Variants in TCF7L1 observed in about 807,000 individuals in gnomAD.
TCF7L1 encodes the protein transcription factor 7 like 1.
Under a neutral mutation model 63.7 loss-of-function variants are expected in TCF7L1, and 18 were observed. That is an observed-to-expected ratio of 0.28 (90% CI 0.20 to 0.42). The LOEUF (loss-of-function observed/expected upper bound fraction) is 0.42, where lower values mean the gene tolerates loss of function less well. Ranked by LOEUF, TCF7L1 falls within the 10% of genes least tolerant of loss-of-function variation. The pLI is 1.00. For missense variants in TCF7L1, 654 were observed against 779.3 expected (o/e 0.84, Z 1.91); for synonymous variants, 355 against 340.9 (o/e 1.04, Z -0.46).
At chr2:85,184,945 G>A (rs988453517) in intron 3 of TCF7L1, among the ~76,000 whole-genome samples, 1 of 152,182 alleles carries the variant, frequency 6.6e-6, no homozygotes, top group Admixed American at 6.5e-5. Context: ...GTTTCTGACT[G>A]AAACAAGCTC....
chr2:85,297,326 C>A (rs1477495723), intron 4 of TCF7L1, among the ~76,000 whole-genome samples: 5 of 152,156 alleles, frequency 3.3e-5, no homozygotes, highest in African/African-American at 1.2e-4. Flanking sequence ...TTTTTCGTAG[C>A]CTGCAGCACA....
At chr2:85,227,109 C>G (rs1166482485) in intron 3 of TCF7L1, among the ~76,000 whole-genome samples, 2 of 152,292 alleles carry the variant, frequency 1.3e-5, no homozygotes, top group African/African-American at 2.4e-5. Context: ...TGAGTTGGTG[C>G]TTAACAAATG....
At chr2:85,200,677 G>T (rs113376786) in intron 3 of TCF7L1, among the ~76,000 whole-genome samples, 1,915 of 152,146 alleles carry the variant, frequency 0.013, 45 homozygotes, top group African/African-American at 0.043. Context: ...TGGGGCTCAT[G>T]GTATTATTCA....
intron 3 of TCF7L1, among the ~76,000 whole-genome samples, chr2:85,154,042 C>T (rs894508206): frequency 2.6e-5 from 4 of 152,060 alleles, no homozygotes; most frequent in African/African-American, 9.7e-5. Context: ...CTCAATTCGT[C>T]CCAGAATTGA....
chr2:85,253,580 C>A (rs1025507537), intron 3 of TCF7L1, among the ~76,000 whole-genome samples: 1 of 152,118 alleles, frequency 6.6e-6, no homozygotes, highest in Non-Finnish European at 1.5e-5. Context: ...CCTGGTCCAC[C>A]AGAGCAACAA....
intron 3 of TCF7L1, among the ~76,000 whole-genome samples, chr2:85,150,488 T>A (rs2104204120): frequency 6.6e-6 from 1 of 152,216 alleles, no homozygotes; most frequent in Admixed American, 6.5e-5. Flanking sequence ...CGCCTTGGCC[T>A]CCCAAAGTGC....
intron 3 of TCF7L1, among the ~76,000 whole-genome samples, chr2:85,183,994 C>T (rs537062167): frequency 6.6e-5 from 10 of 152,142 alleles, no homozygotes; most frequent in Non-Finnish European, 1.3e-4. Context: ...AAAGTTGGGT[C>T]GTGGTTGTGG....
Position 85,169,284 on chromosome 2 carries a change from C to G in TCF7L1, c.441+34834C>G, listed in dbSNP as rs11126981. 7.3e-3 allele frequency among the ~76,000 whole-genome samples: 1,108 copies of G among 151,828 alleles called. 17 individuals are homozygous for G. The highest frequency in any genetic ancestry group is 0.037 in the South Asian group (176 of 4,772). On this transcript the variant is annotated intron_variant, in intron 3 of 11. Transcript: ENST00000282111. ...TTCTACCTCCTTCCAGACTCTACCC[C>G]CTAGCATGCTGGCCTAACAACATTG...
intron 3 of TCF7L1, among the ~76,000 whole-genome samples, chr2:85,263,259 C>A (rs1680895580): frequency 7.0e-6 from 1 of 142,986 alleles, no homozygotes; most frequent in Admixed American, 7.5e-5. Flanking sequence ...TAGGCCAGGG[C>A]TTTAATGCCC....
chr2:85,168,463 T>A (rs568305456), intron 3 of TCF7L1, among the ~76,000 whole-genome samples: 5 of 152,246 alleles, frequency 3.3e-5, no homozygotes, highest in Non-Finnish European at 5.9e-5. Context: ...GGCCCTACAC[T>A]GTCCCTGAGG....
chr2:85,283,856 G>A (rs905099912), intron 4 of TCF7L1, among the ~76,000 whole-genome samples: 6 of 152,198 alleles, frequency 3.9e-5, no homozygotes, highest in South Asian at 4.1e-4. Context: ...GCCTGCCTGC[G>A]ATCCTTCCCG....
intron 3 of TCF7L1, among the ~76,000 whole-genome samples, chr2:85,227,438 CTTT>C (rs562921251): frequency 1.4e-5 from 2 of 141,584 alleles, no homozygotes; most frequent in African/African-American, 2.6e-5. Flanking sequence ...AATACCCCCT[CTTT>C]TTTTTTTTTT....
chr2:85,163,382 G>A (rs1292828801), intron 3 of TCF7L1, among the ~76,000 whole-genome samples: 1 of 152,128 alleles, frequency 6.6e-6, no homozygotes, highest in Non-Finnish European at 1.5e-5. Context: ...AGAGTTGCCA[G>A]CAGTTCTTTC....
At chr2:85,270,279 G>T (rs1358421730) in intron 3 of TCF7L1, among the ~76,000 whole-genome samples, 2 of 152,214 alleles carry the variant, frequency 1.3e-5, no homozygotes, top group African/African-American at 2.4e-5. Flanking sequence ...GTAAACTTTA[G>T]AATTCTCAGG....
intron 4 of TCF7L1, among the ~76,000 whole-genome samples, chr2:85,283,960 A>G (rs1256638803): frequency 6.6e-6 from 1 of 152,144 alleles, no homozygotes; most frequent in Admixed American, 6.5e-5. Flanking sequence ...CTTCTCCCTC[A>G]TAGCTGCCAG....
At chr2:85,194,732 G>A (rs781619598) in intron 3 of TCF7L1, among the ~76,000 whole-genome samples, 5 of 152,112 alleles carry the variant, frequency 3.3e-5, no homozygotes, top group Non-Finnish European at 7.4e-5. Flanking sequence ...CTCCAGGAGT[G>A]GGTTCTCACA....
chr2:85,186,449 T>C (rs1678927263), intron 3 of TCF7L1: 1 of 152,162 alleles, frequency 6.6e-6, no homozygotes, highest in Non-Finnish European at 1.5e-5. Context: ...CCCACACTGC[T>C]TGCATTTAAA....
rs570277863 is a variant in TCF7L1 at position 85,217,756 on chromosome 2, T to C, written c.442-65739T>C. 1.2e-4 allele frequency among the ~76,000 whole-genome samples: 18 copies of C among 152,288 alleles called. 1 individual carries two copies. In the South Asian group the frequency reaches 2.9e-3, roughly 25 times the overall value. On this transcript the variant is annotated intron_variant, in intron 3 of 11. Coordinates refer to ENST00000282111, the MANE Select transcript of TCF7L1 (RefSeq NM_031283.3). Reference sequence around the variant, plus strand: ...GTGTTTCGCAGTTTTGGAACTCTTATTGGATTTGGGAATATTTGCATTATA... The same window carrying C: ...GTGTTTCGCAGTTTTGGAACTCTTACTGGATTTGGGAATATTTGCATTATA...
chr2:85,167,917 G>A lies in TCF7L1; in HGVS notation c.441+33467G>A, dbSNP rs181249282. Among the ~76,000 whole-genome samples the A allele has an allele frequency of 3.3e-5, 5 of 152,286 alleles. No homozygotes were observed. In the East Asian group the frequency reaches 7.7e-4, roughly 24 times the overall value. On this transcript the variant is annotated intron_variant, in intron 3 of 11. Transcript: ENST00000282111. The stretch of plus-strand genomic sequence containing the variant: ...TGCCGTTTGTGACAACAAATGGATG[G>A]ACCTGGAGGACATCATGCTAAGTGA...
Sources: allele counts gnomAD v4.1 joint callset (sites outside exome capture counted in the v4.1 genomes callset), GRCh38; gene constraint gnomAD v4.1.1; transcripts MANE v1.5; gene names NCBI Gene and HGNC (gene_info 2026-07-23, HGNC 2026-07-21).